ACVR1: variants seen among roughly 807,000 people sequenced by gnomAD.
ACVR1 encodes activin receptor type-1.
Under a neutral mutation model 57.1 loss-of-function variants are expected in ACVR1, and 38 were observed. That is an observed-to-expected ratio of 0.67 (90% CI 0.51 to 0.87). ACVR1 has a LOEUF of 0.87. ACVR1 is among the 40% of genes least tolerant of loss of function. The pLI, the probability that ACVR1 is intolerant of heterozygous loss-of-function variation, is 0.00. For synonymous variants in ACVR1, 212 were observed against 228.1 expected (o/e 0.93, Z 0.63); for missense variants, 463 against 638.2 (o/e 0.73, Z 2.96).
intron 10 of ACVR1, 27 bp downstream of exon 10, chr2:157,738,413 C>A (rs1172854314): frequency 6.2e-7 from 1 of 1,613,936 alleles, no homozygotes; most frequent in African/African-American, 1.3e-5. Context: ...GAAAAGAGCT[C>A]TAAAACTGAG....
intron 3 of ACVR1, among the ~76,000 whole-genome samples, chr2:157,798,959 T>C (rs1687222488): frequency 6.6e-6 from 1 of 152,026 alleles, no homozygotes; most frequent in Non-Finnish European, 1.5e-5. Context: ...TTCAATGTCG[T>C]GATCTTGGCT....
intron 9 of ACVR1, 52 bp downstream of exon 9, chr2:157,760,828 T>G: frequency 6.4e-7 from 1 of 1,565,830 alleles, no homozygotes; most frequent in East Asian, 2.3e-5. Context: ...TAAAGGTAGC[T>G]GGATCAAGAG....
intron 10 of ACVR1, 39 bp from the exon 11 acceptor site, chr2:157,737,704 G>T (rs1684588914): frequency 6.2e-7 from 1 of 1,613,794 alleles, no homozygotes. Flanking sequence ...TGACAAACTG[G>T]CTTTTTAATG....
chr2:157,819,160 C>A (rs977846779), intron 1 of ACVR1, among the ~76,000 whole-genome samples: 6 of 149,928 alleles, frequency 4.0e-5, no homozygotes, highest in African/African-American at 1.5e-4. Context: ...AGCCTATACA[C>A]TATGTACTCT....
At chr2:157,863,653 C>T (rs1475358013) in intron 1 of ACVR1, among the ~76,000 whole-genome samples, 3 of 151,214 alleles carry the variant, frequency 2.0e-5, no homozygotes, top group Non-Finnish European at 2.9e-5. Flanking sequence ...GCCGAGATCA[C>T]GCCACTGCAC....
At chr2:157,833,588 A>AGGG (rs1688662240) in intron 1 of ACVR1, among the ~76,000 whole-genome samples, 1 of 152,176 alleles carries the variant, frequency 6.6e-6, no homozygotes, top group African/African-American at 2.4e-5. Flanking sequence ...AACGTTAGCA[A>AGGG]TTGTCTCTGT....
At chr2:157,814,803 G>A (rs769127765) in intron 2 of ACVR1, among the ~76,000 whole-genome samples, 14 of 152,100 alleles carry the variant, frequency 9.2e-5, no homozygotes, top group African/African-American at 1.2e-4. Flanking sequence ...AAATGAATGC[G>A]CCCGACACGG....
At chr2:157,863,928 C>T (rs535105816) in intron 1 of ACVR1, among the ~76,000 whole-genome samples, 1 of 143,110 alleles carries the variant, frequency 7.0e-6, no homozygotes, top group East Asian at 2.1e-4. Flanking sequence ...AGTGCCATCT[C>T]GGCTCACTGC....
intron 8 of ACVR1, among the ~76,000 whole-genome samples, chr2:157,761,804 G>T (rs1685667316): frequency 6.6e-6 from 1 of 152,168 alleles, no homozygotes; most frequent in African/African-American, 2.4e-5. Context: ...TGCTTTATTT[G>T]TGGATGATTT....
chr2:157,748,819 T>C (rs1685069715), intron 9 of ACVR1, among the ~76,000 whole-genome samples: 1 of 152,136 alleles, frequency 6.6e-6, no homozygotes, highest in African/African-American at 2.4e-5. Flanking sequence ...TTACCCCAAT[T>C]CCACTACCTC....
chr2:157,856,583 G>A lies in ACVR1; in HGVS notation c.-183+19213C>T, dbSNP rs868838171. ...GAGTGCCTGTGGTGTGCCCCGTGGT[G>A]GTTACAAAACATCATCTTTACTGGA... is the stretch of plus-strand genomic sequence containing the variant. On this transcript the variant is annotated intron_variant, in intron 1 of 10. Transcript: ENST00000434821. Among the ~76,000 whole-genome samples, 30 of 152,262 alleles carry A rather than the reference G, an allele frequency of 2.0e-4. 1 individual carries two copies. Among genetic ancestry groups the A allele is most frequent in the African/African-American group, 7.2e-4 (30 of 41,552 alleles).
At chr2:157,851,744 T>C (rs1042163345) in intron 1 of ACVR1, among the ~76,000 whole-genome samples, 1 of 152,002 alleles carries the variant, frequency 6.6e-6, no homozygotes, top group Admixed American at 6.6e-5. Context: ...GAGGATTCAC[T>C]CAGAGGGTAA....
chr2:157,858,435 C>T (rs1361510609), intron 1 of ACVR1, among the ~76,000 whole-genome samples: 2 of 152,062 alleles, frequency 1.3e-5, no homozygotes, highest in Admixed American at 1.3e-4. Context: ...TAGCCCTTTC[C>T]TCTCTAAGCT....
At chr2:157,801,430 C>T (rs1017505326) in intron 2 of ACVR1, among the ~76,000 whole-genome samples, 1 of 152,142 alleles carries the variant, frequency 6.6e-6, no homozygotes, top group African/African-American at 2.4e-5. Flanking sequence ...TTAATGCAAG[C>T]ACCAAAGAAG....
At chr2:157,792,521 C>T (rs903498099) in intron 3 of ACVR1, among the ~76,000 whole-genome samples, 8 of 152,142 alleles carry the variant, frequency 5.3e-5, no homozygotes, top group African/African-American at 1.2e-4. Flanking sequence ...AGGAATACAC[C>T]AGATGACCTA....
chr2:157,753,856 G>A (rs1361224932), intron 9 of ACVR1, among the ~76,000 whole-genome samples: 2 of 152,074 alleles, frequency 1.3e-5, no homozygotes, highest in African/African-American at 4.8e-5. Flanking sequence ...CCATATGATA[G>A]GCCACAAAAC....
At chr2:157,875,170 T>C (rs576786850) in intron 1 of ACVR1, 1 of 152,326 alleles carries the variant, frequency 6.6e-6, no homozygotes, top group East Asian at 1.9e-4. Flanking sequence ...GGAAGGGTTT[T>C]AAACTTGGCA....
intron 1 of ACVR1, among the ~76,000 whole-genome samples, chr2:157,834,668 T>C (rs1422137205): frequency 1.3e-5 from 2 of 152,148 alleles, no homozygotes; most frequent in East Asian, 3.8e-4. Context: ...CATATATACA[T>C]ATATAAAAAC....
At chr2:157,865,821 A>AGAAAAAAGATAGATAGAT (rs762418239) in intron 1 of ACVR1, among the ~76,000 whole-genome samples, 8 of 137,030 alleles carry the variant, frequency 5.8e-5, no homozygotes, top group African/African-American at 2.2e-4. Context: ...AAAAAGAAAA[A>AGAAAAAAGATAGATAGAT]AGATAGATAG....
Sources: allele counts gnomAD v4.1 joint callset (sites outside exome capture counted in the v4.1 genomes callset), GRCh38; gene constraint gnomAD v4.1.1; transcripts MANE v1.5; gene names NCBI Gene and HGNC (gene_info 2026-07-23, HGNC 2026-07-21).